LRRC20: variants seen among roughly 807,000 people sequenced by gnomAD.
LRRC20 encodes leucine-rich repeat-containing protein 20.
Under a neutral mutation model 14.4 loss-of-function variants are expected in LRRC20, and 11 were observed. The ratio of observed to expected loss-of-function variants is 0.77; its 90% CI spans 0.48 to 1.27. The LOEUF is 1.27. Ranked by LOEUF, LRRC20 falls within the 50% of genes most tolerant of loss-of-function variation. The probability of loss-of-function intolerance (pLI) is 0.00; values close to 1 mark genes in which losing one functional copy is unlikely to be tolerated. For missense variants in LRRC20, 219 were observed against 251.2 expected (o/e 0.87, Z 0.87); for synonymous variants, 121 against 107.3 (o/e 1.13, Z -0.79).
chr10:70,373,447 C>T (rs1167372661), intron 2 of LRRC20, among the ~76,000 whole-genome samples: 1 of 152,138 alleles, frequency 6.6e-6, no homozygotes, highest in Non-Finnish European at 1.5e-5. Flanking sequence ...CCCCAAGCAA[C>T]TAGTATACAG....
intron 2 of LRRC20, among the ~76,000 whole-genome samples, chr10:70,366,315 C>G (rs35685392): frequency 0.55 from 82,692 of 151,032 alleles, 23,658 homozygotes; most frequent in Non-Finnish European, 0.63. Context: ...CCCAGCTGCT[C>G]GGGAGGCTGA....
At chr10:70,369,566 T>C (rs1844180439) in intron 2 of LRRC20, among the ~76,000 whole-genome samples, 1 of 127,022 alleles carries the variant, frequency 7.9e-6, no homozygotes, top group Non-Finnish European at 1.6e-5. Context: ...ATGGTGTCAC[T>C]GCACTCCAGC....
At chr10:70,321,619 T>G (rs2136939714) in intron 4 of LRRC20, among the ~76,000 whole-genome samples, 1 of 152,340 alleles carries the variant, frequency 6.6e-6, no homozygotes, top group Non-Finnish European at 1.5e-5. Context: ...AGCTGGCCAC[T>G]TGGGGTAAAC....
At chr10:70,338,464 G>A (rs914080223) in intron 3 of LRRC20, among the ~76,000 whole-genome samples, 1 of 152,116 alleles carries the variant, frequency 6.6e-6, no homozygotes, top group Non-Finnish European at 1.5e-5. Flanking sequence ...CTATCACGTA[G>A]AGCATTCCTA....
At chr10:70,307,236 A>G (rs535364540) in intron 4 of LRRC20, among the ~76,000 whole-genome samples, 44 of 152,246 alleles carry the variant, frequency 2.9e-4, no homozygotes, top group Non-Finnish European at 6.0e-4. Context: ...ACTGCTGCTT[A>G]GTATACCATG....
intron 4 of LRRC20, 24 bp downstream of exon 4, chr10:70,323,839 G>C: frequency 1.9e-6 from 3 of 1,613,442 alleles, no homozygotes; most frequent in Non-Finnish European, 2.5e-6. Flanking sequence ...GCAGCCCAGG[G>C]CCAGGTGGGC....
chr10:70,376,404 C>A, intron 2 of LRRC20, 48 bp downstream of exon 2: 1 of 1,579,268 alleles, frequency 6.3e-7, no homozygotes, highest in Non-Finnish European at 8.7e-7. Context: ...CTAAGCTGAT[C>A]TCACAACTGC....
At chr10:70,378,092 C>T (rs1290285698) in intron 1 of LRRC20, among the ~76,000 whole-genome samples, 3 of 152,002 alleles carry the variant, frequency 2.0e-5, no homozygotes, top group Non-Finnish European at 2.9e-5. Flanking sequence ...GCCCAGGACA[C>T]GTAAATACTC....
chr10:70,305,278 C>A (rs1330528268), intron 4 of LRRC20, among the ~76,000 whole-genome samples: 1 of 152,200 alleles, frequency 6.6e-6, no homozygotes, highest in African/African-American at 2.4e-5. Context: ...TTGGGTTGTT[C>A]CCATCGCTTG....
At chr10:70,367,999 T>TATGTTATGTTATGTTATGTTATGCTATGC (rs1403701408) in intron 2 of LRRC20, among the ~76,000 whole-genome samples, 1 of 145,942 alleles carries the variant, frequency 6.9e-6, no homozygotes, top group African/African-American at 2.5e-5. Flanking sequence ...TATGTTATTT[T>TATGTTATGTTATGTTATGTTATGCTATGC]TTGAGATGGA....
intron 4 of LRRC20, 23 bp from the exon 5 acceptor site, chr10:70,301,531 G>A (rs1457426384): frequency 6.2e-7 from 1 of 1,609,006 alleles, no homozygotes; most frequent in Non-Finnish European, 8.5e-7. Flanking sequence ...GAATGGACAG[G>A]TTAGAGTGGT....
chr10:70,346,308 C>T (rs12258276), intron 2 of LRRC20, among the ~76,000 whole-genome samples: 8,790 of 152,062 alleles, frequency 0.058, 292 homozygotes, highest in South Asian at 0.12. Flanking sequence ...TCCAGGTACT[C>T]GGGAGGATGA....
chr10:70,375,971 A>T (rs943210635), intron 2 of LRRC20, among the ~76,000 whole-genome samples: 1 of 152,216 alleles, frequency 6.6e-6, no homozygotes, highest in Non-Finnish European at 1.5e-5. Context: ...AAAATAGTGG[A>T]GTGTAAAGGG....
At position 70,345,565 on chromosome 10, in the gene LRRC20, G is replaced by A. The variant is rs1242035043; in HGVS notation, c.83-4863C>T. Among the ~76,000 whole-genome samples the A allele has an allele frequency of 2.0e-5, 3 of 152,028 alleles. No individual in the cohort carries two copies. The East Asian group carries it at 5.8e-4, about 29-fold the overall frequency. On this transcript the variant is annotated intron_variant, in intron 2 of 4. Coordinates refer to ENST00000446961, the MANE Select transcript of LRRC20 (RefSeq NM_001278212.2). Reference sequence around the variant, plus strand: ...TGCATACAGAGTCATCTTTATTACTGAAACTACTCAATATAATTGAATAAA... The same window carrying A: ...TGCATACAGAGTCATCTTTATTACTAAAACTACTCAATATAATTGAATAAA...
rs766501930 is a variant in LRRC20, at chr10:70,323,978, G to C, written c.285C>G (p.Ala95=). 27 of 1,613,730 alleles carry C rather than the reference G, an allele frequency of 1.7e-5. No individual in the cohort carries two copies. Among genetic ancestry groups the C allele is most frequent in the Non-Finnish European group, 2.1e-5 (25 of 1,179,616 alleles). Reference sequence around the variant, plus strand: ...GGTCAATGGCCTTGAGGTGCTGCAGGGCACTGACCTCGCTGGGGAGGCGGT... The same window carrying C: ...GGTCAATGGCCTTGAGGTGCTGCAGCGCACTGACCTCGCTGGGGAGGCGGT... ...FLHRLPSEVS[A]LQHLKAIDLS... is the part of the protein sequence containing the mutation. The change falls in exon 4 of 5, where the codon GCC becomes GCG. Residue 95 remains alanine (A), a synonymous_variant. Transcript: ENST00000446961.
chr10:70,323,116 T>A (rs75804426), intron 4 of LRRC20, among the ~76,000 whole-genome samples: 26,032 of 151,938 alleles, frequency 0.17, 2,883 homozygotes, highest in Non-Finnish European at 0.23. Context: ...TGAGAGAGGA[T>A]GAACTGGGGC....
In LRRC20 at chr10:70,352,436, T is replaced by C. The variant is rs145598945; in HGVS notation, c.83-11734A>G. ...TAAAAAAAATGTAGCATTTTATCAG[T>C]GGCAAGGGATTAGCAGGCAGAGCAC... On this transcript the variant is annotated intron_variant, in intron 2 of 4. Transcript: ENST00000446961. Among the ~76,000 whole-genome samples, 8 of 152,314 alleles carry C rather than the reference T, an allele frequency of 5.3e-5. No individual in the cohort carries two copies. In the East Asian group the frequency reaches 1.5e-3, roughly 29 times the overall value.
chr10:70,352,746 C>A (rs1489032128), intron 2 of LRRC20, among the ~76,000 whole-genome samples: 2 of 152,186 alleles, frequency 1.3e-5, no homozygotes, highest in African/African-American at 4.8e-5. Context: ...GAACCTAACA[C>A]TCCCCTTTAA....
At chr10:70,375,957 A>C (rs1844493346) in intron 2 of LRRC20, among the ~76,000 whole-genome samples, 1 of 152,194 alleles carries the variant, frequency 6.6e-6, no homozygotes, top group Non-Finnish European at 1.5e-5. Flanking sequence ...GACACAATTC[A>C]AGAAAAATAG....
Sources: gnomAD v4.1 joint callset for allele counts (sites outside exome capture counted in the v4.1 genomes callset) on GRCh38, gnomAD v4.1.1 for gene constraint, MANE v1.5 for transcripts, NCBI Gene and HGNC (gene_info 2026-07-23, HGNC 2026-07-21) for gene names.